The following RABL6 variants were observed in gnomAD, a reference collection of about 807,000 sequenced individuals.
RABL6 encodes rab-like protein 6.
A neutral mutation model predicts 72.9 loss-of-function variants in RABL6; 28 were observed. The observed-to-expected ratio is 0.38, with a 90% CI of 0.28 to 0.53. The LOEUF (loss-of-function observed/expected upper bound fraction) is 0.53. Among genes scored for constraint, RABL6 ranks in the 20% least tolerant of loss-of-function variants. The pLI, the probability that RABL6 is intolerant of heterozygous loss-of-function variation, is 0.80. For missense variants in RABL6, 1,029 were observed against 1,008.4 expected, an observed-to-expected ratio of 1.02 and a Z score of -0.28; for synonymous variants, 477 against 421.2, an observed-to-expected ratio of 1.13 and a Z score of -1.62.
chr9:136,835,303 C>T (rs1848564957), intron 7 of RABL6: 1 of 155,194 alleles, frequency 6.4e-6, no homozygotes, highest in Admixed American at 6.4e-5. Flanking sequence ...CAGTGGTTTG[C>T]TCCAGAGCCA....
intron 1 of RABL6, among the ~76,000 whole-genome samples, chr9:136,810,771 G>C (rs890238690): frequency 1.3e-5 from 2 of 152,210 alleles, no homozygotes; most frequent in Non-Finnish European, 2.9e-5. Flanking sequence ...TCAATCTCCT[G>C]ACCTCGTGAT....
At chr9:136,819,527 G>A (rs932293000) in intron 1 of RABL6, among the ~76,000 whole-genome samples, 6 of 152,094 alleles carry the variant, frequency 3.9e-5, no homozygotes, top group African/African-American at 1.4e-4. Flanking sequence ...GCTATGTGGT[G>A]TATAAGAGAC....
chr9:136,825,899 C>T (rs1311538640), intron 3 of RABL6, 73 bp downstream of exon 3: 9 of 1,517,094 alleles, frequency 5.9e-6, no homozygotes, highest in Non-Finnish European at 8.2e-6. Context: ...TCCTTTCTTT[C>T]CCCCGGCGCC....
chr9:136,816,719 A>T (rs919104104), intron 1 of RABL6, among the ~76,000 whole-genome samples: 2 of 137,654 alleles, frequency 1.5e-5, no homozygotes, highest in African/African-American at 2.6e-5. Context: ...TCTGTCTCAA[A>T]AAAAAGGGGG....
chr9:136,835,879 G>A (rs1302687365), intron 8 of RABL6, 34 bp downstream of exon 8: 6 of 1,536,656 alleles, frequency 3.9e-6, no homozygotes, highest in Non-Finnish European at 5.3e-6. Context: ...CGGGCGGTGT[G>A]GGGGCTGCGG....
intron 8 of RABL6, chr9:136,836,509 C>A (rs962170769): frequency 3.3e-5 from 5 of 152,838 alleles, no homozygotes; most frequent in African/African-American, 9.6e-5. Context: ...GCTGTTGGCT[C>A]AGACACAGCA....
intron 1 of RABL6, among the ~76,000 whole-genome samples, chr9:136,811,633 AAC>A (rs1360186400): frequency 0.014 from 2,090 of 149,316 alleles, 74 homozygotes; most frequent in African/African-American, 0.048. Flanking sequence ...AAAAAAAAAA[AAC>A]AATTGCACCA....
At chr9:136,821,453 G>A (rs1270512646) in intron 1 of RABL6, 19 of 985,330 alleles carry the variant, frequency 1.9e-5, no homozygotes, top group Non-Finnish European at 2.3e-5. Context: ...GTGGACCTCG[G>A]GGCCGCGGGA....
chr9:136,837,411 G>T lies in RABL6; in HGVS notation c.875G>T (p.Ser292Ile), dbSNP rs1178133679. The change falls in exon 9 of 15, where the codon AGC becomes ATC. Residue 292 changes from serine to isoleucine, a missense_variant. By Grantham distance (142) the Ser-to-Ile change is moderately radical. This residue lies in a region of RABL6 where 434 missense variants were observed against 536.1 expected (regional missense o/e 0.81). Coordinates refer to ENST00000311502, the MANE Select transcript of RABL6 (RefSeq NM_024718.5). The part of the protein sequence containing the change: ...HASPLAANGQ[S>I]PSPGSQSPVV... Reference sequence around the variant, plus strand: ...TCCCCACTGGCGGCCAACGGGCAGAGCCCATCCCCGGGCTCCCAGTCACCA... The same window carrying T: ...TCCCCACTGGCGGCCAACGGGCAGATCCCATCCCCGGGCTCCCAGTCACCA... 4 of 1,589,518 alleles carry T rather than the reference G, an allele frequency of 2.5e-6. No homozygotes were observed. Among genetic ancestry groups the T allele is most frequent in the Non-Finnish European group, 1.7e-6 (2 of 1,169,314 alleles).
At position 136,832,300 on chromosome 9, in the gene RABL6, C is replaced by T; in HGVS notation, c.635C>T (p.Ser212Phe). 6.2e-7 allele frequency: 1 copy of T among 1,613,910 alleles called. No individual in the cohort carries two copies. Among genetic ancestry groups the T allele is most frequent in the Non-Finnish European group, 8.5e-7 (1 of 1,179,854 alleles). The change falls in exon 7 of 15, where the codon TCT becomes TTT. Residue 212 changes from serine to phenylalanine, a missense_variant. By Grantham distance (155) the Ser-to-Phe change is radical. Coordinates refer to ENST00000311502, the MANE Select transcript of RABL6 (RefSeq NM_024718.5). ...TCCTCCTACTTCCGCTATGCTGAGT[C>T]TTCCATGAAGAACAGCTTCGGCCTA... Reference protein sequence around the residue: ...PGSSYFRYAESSMKNSFGLKY... With the variant: ...PGSSYFRYAEFSMKNSFGLKY...
intron 3 of RABL6, chr9:136,827,759 A>T (rs1382041593): frequency 6.6e-6 from 1 of 152,286 alleles, no homozygotes; most frequent in African/African-American, 2.4e-5. Flanking sequence ...CGTTTTAAAC[A>T]CATGAGCCCC....
chr9:136,825,640 A>G, intron 2 of RABL6, 139 bp from the exon 3 acceptor site: 1 of 894,676 alleles, frequency 1.1e-6, no homozygotes, highest in Non-Finnish European at 1.9e-6. Flanking sequence ...GGGAGGACAC[A>G]TCCCCTGCTT....
chr9:136,815,337 C>G (rs912960897), intron 1 of RABL6: 1 of 275,690 alleles, frequency 3.6e-6, no homozygotes, highest in Non-Finnish European at 7.4e-6. Context: ...CTTTTTTGTT[C>G]GGGAAACTGT....
At chr9:136,822,837 C>T (rs1848268612) in intron 1 of RABL6, among the ~76,000 whole-genome samples, 1 of 152,198 alleles carries the variant, frequency 6.6e-6, no homozygotes, top group Non-Finnish European at 1.5e-5. Flanking sequence ...GTCTGTAATC[C>T]CAGCACTTTG....
At position 136,841,146 on chromosome 9, in the gene RABL6, A is replaced by G. The variant is rs1417815505; in HGVS notation, c.*624A>G. 1.1e-6 allele frequency: 1 copy of G among 938,740 alleles called. No individual in the cohort carries two copies. Among genetic ancestry groups the G allele is most frequent in the African/African-American group, 1.7e-5 (1 of 59,386 alleles). 58.2% of individuals were successfully genotyped at this position (938,740 alleles called of 1,614,324 possible). A position where few individuals can be genotyped will look rare whatever the true frequency, so the allele number is the denominator to read the frequency against. ...GCAGGAGCCGGGAGGCACTCCTCCCAAACACTCCACTCAGACCATAAAGCA... is the reference window on the plus strand; with the variant it reads ...GCAGGAGCCGGGAGGCACTCCTCCCGAACACTCCACTCAGACCATAAAGCA... On this transcript the variant is annotated 3_prime_UTR_variant, in exon 15 of 15. Coordinates refer to ENST00000311502, the MANE Select transcript of RABL6 (RefSeq NM_024718.5).
intron 1 of RABL6, among the ~76,000 whole-genome samples, chr9:136,815,815 A>T (rs1315389274): frequency 6.6e-6 from 1 of 152,230 alleles, no homozygotes; most frequent in African/African-American, 2.4e-5. Context: ...GTTAAATTGA[A>T]TCAGGGTAAG....
Position 136,840,836 on chromosome 9 carries a change from GA to G in RABL6, c.*315del. On this transcript the variant is annotated 3_prime_UTR_variant, in exon 15 of 15. Coordinates refer to ENST00000311502, the MANE Select transcript of RABL6 (RefSeq NM_024718.5). Reference sequence around the variant, plus strand: ...TGACTGAGGCCCAGGAGGGACCTGTGAGGGTCTGTTTACAGAGGCTGGGCAG... The same window carrying G: ...TGACTGAGGCCCAGGAGGGACCTGTGGGGTCTGTTTACAGAGGCTGGGCAG... 6.5e-7 allele frequency: 1 copy of G among 1,546,158 alleles called. No homozygotes were observed. The highest frequency in any genetic ancestry group is 1.2e-5 in the South Asian group (1 of 83,956).
chr9:136,833,619 TG>T (rs2131196924), intron 7 of RABL6: 1 of 1,489,904 alleles, frequency 6.7e-7, no homozygotes, highest in East Asian at 2.5e-5. Flanking sequence ...CTGCCCCAGC[TG>T]GGTCTGGGGG....
rs1848370288 is a variant in RABL6, at chr9:136,826,870, A to G, written c.313+1044A>G. The G allele has an allele frequency of 6.6e-6, 1 of 152,350 alleles. No homozygotes were observed. Among genetic ancestry groups the G allele is most frequent in the African/African-American group, 2.4e-5 (1 of 41,432 alleles). The allele number at this position is 152,350 out of a possible 1,614,324, so 9.4% of individuals were successfully genotyped here. A position where few individuals can be genotyped will look rare whatever the true frequency, so the allele number is the denominator to read the frequency against. ...AGCTGCAGAGATTTCCTGTGCCTCC[A>G]GCTCTGGCTTCCTGGGTCTGTCCTT... On this transcript the variant is annotated intron_variant, in intron 3 of 14. Coordinates refer to ENST00000311502, the MANE Select transcript of RABL6 (RefSeq NM_024718.5). This position sits in a 1 kb window ranked among gnomAD's most constrained non-coding sequence, Gnocchi z 4.9.
Sources: gnomAD v4.1 joint callset for allele counts (sites outside exome capture counted in the v4.1 genomes callset) on GRCh38, gnomAD v4.1.1 for gene constraint, gnomAD v4.1.1 regional missense constraint, Gnocchi (gnomAD v3.1) non-coding constraint, MANE v1.5 for transcripts, NCBI Gene and HGNC (gene_info 2026-07-23, HGNC 2026-07-21) for gene names.